SYNJ2: variants seen among roughly 807,000 people sequenced by gnomAD.
SYNJ2 encodes the protein synaptojanin 2, also known as polyphosphatidylinositol phosphatase SYNJ2.
SYNJ2 carries 116 observed loss-of-function variants against 141.3 expected under a neutral mutation model. The observed-to-expected ratio is 0.82, with a 90% CI of 0.71 to 0.96. The LOEUF is 0.96. Among genes scored for constraint, SYNJ2 ranks in the 40% least tolerant of loss-of-function variants. SYNJ2 has a pLI of 0.00. For missense variants in SYNJ2, 1,873 were observed against 1,934.8 expected (o/e 0.97, Z 0.60); for synonymous variants, 745 against 777.7 (o/e 0.96, Z 0.70).
At chr6:158,062,297 A>C in intron 8 of SYNJ2, 133 bp downstream of exon 8, 1 of 1,385,450 alleles carries the variant, frequency 7.2e-7, no homozygotes, top group South Asian at 1.6e-5. Flanking sequence ...CATGTGCCCT[A>C]TGAGGGGCAG....
intron 5 of SYNJ2, among the ~76,000 whole-genome samples, chr6:158,047,955 T>C (rs1490572245): frequency 2.0e-5 from 3 of 152,104 alleles, no homozygotes; most frequent in Admixed American, 2.0e-4. Flanking sequence ...GAGAGTTTCC[T>C]CCTGTCTTTG....
At chr6:158,005,037 TTCACCTTG>T (rs1462765984) in intron 1 of SYNJ2, among the ~76,000 whole-genome samples, 1 of 151,726 alleles carries the variant, frequency 6.6e-6, no homozygotes, top group Non-Finnish European at 1.5e-5. Context: ...TTTCTCCACT[TTCACCTTG>T]TCACTCATCC....
chr6:158,086,750 A>G (rs1562402873), intron 22 of SYNJ2, 105 bp from the exon 23 acceptor site: 1 of 1,304,688 alleles, frequency 7.7e-7, no homozygotes, highest in Non-Finnish European at 1.0e-6. Flanking sequence ...CAGCTGTCCT[A>G]CAGCAGGTCC....
rs537594726 is a variant in SYNJ2 at position 158,019,591 on chromosome 6, C to A, written c.214+2301C>A. 2.6e-3 allele frequency among the ~76,000 whole-genome samples: 401 copies of A among 152,302 alleles called. 1 individual carries two copies. The highest frequency in any genetic ancestry group is 8.7e-3 in the African/African-American group (361 of 41,570). ...CCTCCCAGGGCTGCCCTAGGCGAGG[C>A]CTCCTCCCTGCCTTCAGCCAGTCCC... On this transcript the variant is annotated intron_variant, in intron 2 of 26. Coordinates refer to ENST00000355585, the MANE Select transcript of SYNJ2 (RefSeq NM_003898.4).
intron 1 of SYNJ2, among the ~76,000 whole-genome samples, chr6:158,008,970 C>A (rs1055884366): frequency 6.6e-6 from 1 of 152,234 alleles, no homozygotes; most frequent in African/African-American, 2.4e-5. Context: ...AACCTTCAGT[C>A]ACACTGCCCG....
In SYNJ2 at chr6:158,043,399, G is replaced by C; in HGVS notation, c.795G>C (p.Gln265His). Residue 265 changes from glutamine to histidine, a missense_variant and splice_region_variant, in exon 5 of 27, where the codon CAG (glutamine) becomes CAC (histidine). Gln to His is a conservative substitution (Grantham distance 24). Coordinates refer to ENST00000355585, the MANE Select transcript of SYNJ2 (RefSeq NM_003898.4). The surrounding 1 kb of genome is among the most constrained non-coding windows in gnomAD (Gnocchi z 4.0). Reference sequence around the variant, plus strand: ...TGTTCTGGGAACAGCCAGGGCTTCAGGTAGGTCATGAAAAAACTTAAATGT... The same window carrying C: ...TGTTCTGGGAACAGCCAGGGCTTCACGTAGGTCATGAAAAAACTTAAATGT... ...VPLFWEQPGL[Q>H]VGSHHLRLHR... The C allele has an allele frequency of 6.2e-7, 1 of 1,613,668 alleles. No homozygotes were observed. The highest frequency in any genetic ancestry group is 8.5e-7 in the Non-Finnish European group (1 of 1,179,632).
intron 22 of SYNJ2, among the ~76,000 whole-genome samples, chr6:158,085,710 A>C (rs1203767627): frequency 1.3e-5 from 2 of 152,158 alleles, no homozygotes; most frequent in Non-Finnish European, 2.9e-5. Flanking sequence ...GCCCTACCAG[A>C]GAGATCTGGA....
At chr6:158,029,127 C>T (rs1187285042) in intron 3 of SYNJ2, 101 bp downstream of exon 3, 14 of 1,481,482 alleles carry the variant, frequency 9.4e-6, no homozygotes, top group Middle Eastern at 2.5e-4. Context: ...GCACCACCCC[C>T]GGGTTATGGG....
intron 1 of SYNJ2, among the ~76,000 whole-genome samples, chr6:157,993,812 T>TTG (rs1777543470): frequency 2.7e-5 from 3 of 110,228 alleles, no homozygotes; most frequent in Non-Finnish European, 5.8e-5. Context: ...TTTTTTTTTT[T>TTG]TTTTTTTTTT....
intron 20 of SYNJ2, among the ~76,000 whole-genome samples, chr6:158,082,761 G>A (rs1782780002): frequency 6.6e-6 from 1 of 152,216 alleles, no homozygotes; most frequent in Admixed American, 6.5e-5. Context: ...CCATTTTAGA[G>A]TGTAGTTCTC....
intron 2 of SYNJ2, among the ~76,000 whole-genome samples, chr6:158,018,813 G>T (rs1243127521): frequency 6.6e-6 from 1 of 152,250 alleles, no homozygotes; most frequent in Non-Finnish European, 1.5e-5. Flanking sequence ...CAGAAACTTA[G>T]TTGGGGTTTG....
At chr6:158,006,489 G>T (rs537344546) in intron 1 of SYNJ2, among the ~76,000 whole-genome samples, 2 of 152,256 alleles carry the variant, frequency 1.3e-5, no homozygotes, top group South Asian at 4.1e-4. Flanking sequence ...TCTCCTGGCC[G>T]CCAGGATGCC....
At position 158,081,276 on chromosome 6, in the gene SYNJ2, G is replaced by T. The variant is rs151268691; in HGVS notation, c.2735G>T (p.Arg912Leu). 3 of 1,614,108 alleles carry T rather than the reference G, an allele frequency of 1.9e-6. No homozygotes were observed. Among genetic ancestry groups the T allele is most frequent in the Non-Finnish European group, 2.5e-6 (3 of 1,180,020 alleles). The change falls in exon 19 of 27, where the codon CGT (arginine) becomes CTT (leucine). Residue 912 changes from arginine to leucine, a missense_variant. Transcript: ENST00000355585. Reference sequence around the variant, plus strand: ...AAAAACGAGTTTCCAGAGGACCTGCGTACTGAGCTCATGCAGACCTTGGGG... The same window carrying T: ...AAAAACGAGTTTCCAGAGGACCTGCTTACTGAGCTCATGCAGACCTTGGGG... ...EEKNEFPEDL[R>L]TELMQTLGSY... is the part of the protein sequence containing the mutation.
rs1416523601 is a variant in SYNJ2, at chr6:158,084,179, C to T, written c.3208+5C>T. The stretch of plus-strand genomic sequence containing the variant: ...AGCAGCATCCAACGTACAAAGGTAG[C>T]CTGACCCTTCTTTTCTCAGGAGCCT... On this transcript the variant is annotated splice_donor_5th_base_variant and intron_variant, in intron 22 of 26. Coordinates refer to ENST00000355585, the MANE Select transcript of SYNJ2 (RefSeq NM_003898.4). This position sits in a 1 kb window ranked among gnomAD's most constrained non-coding sequence, Gnocchi z 5.0. The T allele has an allele frequency of 6.2e-7, 1 of 1,610,634 alleles. No individual in the cohort carries two copies. The highest frequency in any genetic ancestry group is 1.7e-5 in the Admixed American group (1 of 59,580).
chr6:158,007,092 A>G (rs1345373856), intron 1 of SYNJ2, among the ~76,000 whole-genome samples: 1 of 152,122 alleles, frequency 6.6e-6, no homozygotes, highest in Non-Finnish European at 1.5e-5. Flanking sequence ...CAGCCTCCCA[A>G]GAAGCTGAGA....
intron 22 of SYNJ2, among the ~76,000 whole-genome samples, chr6:158,085,991 C>T (rs1783010876): frequency 6.6e-6 from 1 of 152,096 alleles, no homozygotes; most frequent in Non-Finnish European, 1.5e-5. Flanking sequence ...CAGGTGTGAG[C>T]ACAGATAGTC....
intron 8 of SYNJ2, chr6:158,062,366 G>A (rs574153774): frequency 1.1e-4 from 51 of 465,968 alleles, no homozygotes; most frequent in African/African-American, 2.5e-4. Flanking sequence ...GCTTGGCGAC[G>A]CCGGGAATCT....
In SYNJ2 at chr6:158,064,913, C is replaced by G; in HGVS notation, c.1447C>G (p.Leu483Val). Reference sequence around the variant, plus strand: ...CGGGGTGAAGCAGGAGGCCATCAAGCTGCTGCTGGTTGGGGACGTCTACGG... The same window carrying G: ...CGGGGTGAAGCAGGAGGCCATCAAGGTGCTGCTGGTTGGGGACGTCTACGG... ...FDGVKQEAIK[L>V]LLVGDVYGEE... The change falls in exon 11 of 27, where the codon CTG (leucine) becomes GTG (valine). Residue 483 changes from leucine to valine, a missense_variant. By Grantham distance (32) the Leu-to-Val change is conservative. Transcript: ENST00000355585. 1 of 1,613,846 alleles carries G rather than the reference C, an allele frequency of 6.2e-7. No individual in the cohort carries two copies. The highest frequency in any genetic ancestry group is 8.5e-7 in the Non-Finnish European group (1 of 1,179,896).
At position 158,047,095 on chromosome 6, in the gene SYNJ2, C is replaced by G. The variant is rs142247376; in HGVS notation, c.795+3696C>G. On this transcript the variant is annotated intron_variant, in intron 5 of 26. Coordinates refer to ENST00000355585, the MANE Select transcript of SYNJ2 (RefSeq NM_003898.4). ...GGATGGGCTTGTGTGTTTGTACCTT[C>G]CTTTTTTCCAAAAAGGACATGAGAT... 5.8e-3 allele frequency among the ~76,000 whole-genome samples: 886 copies of G among 152,208 alleles called. 27 individuals are homozygous for G. Among genetic ancestry groups the G allele is most frequent in the East Asian group, 0.057 (294 of 5,182 alleles).
Sources: allele counts gnomAD v4.1 joint callset (sites outside exome capture counted in the v4.1 genomes callset), GRCh38; gene constraint gnomAD v4.1.1; non-coding constraint Gnocchi (gnomAD v3.1); transcripts MANE v1.5; gene names NCBI Gene and HGNC (gene_info 2026-07-23, HGNC 2026-07-21).